The following LRRC4C variants were observed in gnomAD, a reference collection of about 807,000 sequenced individuals.
The protein encoded by LRRC4C is leucine-rich repeat-containing protein 4C.
LRRC4C carries 5 observed loss-of-function variants against 33.6 expected under a neutral mutation model. The ratio of observed to expected loss-of-function variants is 0.15; its 90% confidence interval spans 0.08 to 0.31. The LOEUF (loss-of-function observed/expected upper bound fraction) is 0.31. Among genes scored for constraint, LRRC4C ranks in the 10% least tolerant of loss-of-function variants. The probability of loss-of-function intolerance (pLI) is 1.00; values close to 1 mark genes in which losing one functional copy is unlikely to be tolerated. For synonymous variants in LRRC4C, 329 were observed against 302.0 expected, an observed-to-expected ratio of 1.09 and a Z score of -0.93; for missense variants, 560 against 796.7, an observed-to-expected ratio of 0.70 and a Z score of 3.58.
At chr11:40,621,708 G>T (rs2135955247) in intron 3 of LRRC4C, among the ~76,000 whole-genome samples, 1 of 151,880 alleles carries the variant, frequency 6.6e-6, no homozygotes, top group African/African-American at 2.4e-5. Flanking sequence ...CCTTTGCTCA[G>T]TGTCTAGTAC....
chr11:40,439,536 C>A (rs756387147), intron 3 of LRRC4C, among the ~76,000 whole-genome samples: 2 of 151,598 alleles, frequency 1.3e-5, no homozygotes, highest in African/African-American at 2.4e-5. Context: ...TCACTGAAAC[C>A]CCCACCTCCC....
chr11:41,180,804 T>G (rs1945412927), intron 1 of LRRC4C, among the ~76,000 whole-genome samples: 1 of 151,930 alleles, frequency 6.6e-6, no homozygotes, highest in Non-Finnish European at 1.5e-5. Context: ...GGTATCATTA[T>G]CCTAAGATAT....
intron 1 of LRRC4C, among the ~76,000 whole-genome samples, chr11:41,274,622 T>G (rs1949422582): frequency 6.6e-6 from 1 of 152,022 alleles, no homozygotes; most frequent in African/African-American, 2.4e-5. Flanking sequence ...AATGGACCAA[T>G]CAGCAGGACA....
intron 5 of LRRC4C, among the ~76,000 whole-genome samples, chr11:40,147,537 C>T (rs1297275742): frequency 6.6e-6 from 1 of 151,902 alleles, no homozygotes; most frequent in African/African-American, 2.4e-5. Flanking sequence ...TAATTAATAT[C>T]TTAAGAGCAG....
chr11:40,323,955 A>G (rs1229088006), intron 3 of LRRC4C, among the ~76,000 whole-genome samples: 4 of 152,258 alleles, frequency 2.6e-5, no homozygotes. Context: ...TAATTAAGCA[A>G]ATATAGAAGA....
intron 1 of LRRC4C, among the ~76,000 whole-genome samples, chr11:41,320,881 T>G (rs1443805126): frequency 6.6e-6 from 1 of 152,222 alleles, no homozygotes; most frequent in Non-Finnish European, 1.5e-5. Flanking sequence ...AATTCAGTTC[T>G]CTGTGATTGC....
intron 3 of LRRC4C, among the ~76,000 whole-genome samples, chr11:40,539,431 TTC>T (rs1286950649): frequency 6.6e-6 from 1 of 152,168 alleles, no homozygotes; most frequent in Non-Finnish European, 1.5e-5. Context: ...TCTGTATATC[TTC>T]AGAGTCAAGC....
rs150320004 is a variant in LRRC4C, at chr11:40,330,212, A to G, written c.-269-10491T>C. ...GATGCTCATTTTATCTGTCAACTTG[A>G]CTGGGTTAAATGATACCCAGATAGC... is the stretch of plus-strand genomic sequence containing the variant. On this transcript the variant is annotated intron_variant, in intron 3 of 6. Coordinates refer to ENST00000528697, the MANE Select transcript of LRRC4C (RefSeq NM_001258419.2). Among the ~76,000 whole-genome samples, 45 of 152,236 alleles carry G rather than the reference A, an allele frequency of 3.0e-4. No homozygotes were observed. In the East Asian group the frequency reaches 7.9e-3, roughly 27 times the overall value.
At chr11:41,350,329 T>TG (rs1483658742) in intron 1 of LRRC4C, among the ~76,000 whole-genome samples, 1 of 151,786 alleles carries the variant, frequency 6.6e-6, no homozygotes, top group African/African-American at 2.4e-5. Context: ...GCCAACTGGG[T>TG]GAAACCCTGT....
At chr11:41,102,988 C>A (rs1941284489) in intron 1 of LRRC4C, among the ~76,000 whole-genome samples, 1 of 151,714 alleles carries the variant, frequency 6.6e-6, no homozygotes, top group Admixed American at 6.6e-5. Flanking sequence ...CAAAAGGAAA[C>A]CATCTCTATC....
intron 2 of LRRC4C, among the ~76,000 whole-genome samples, chr11:40,824,741 A>G (rs1952085452): frequency 6.6e-6 from 1 of 152,014 alleles, no homozygotes. Flanking sequence ...GGTGAGACCC[A>G]GAGTAAAATT....
rs113735931 is a variant in LRRC4C at position 40,316,926 on chromosome 11, G to A, written c.-176+2702C>T. On this transcript the variant is annotated intron_variant, in intron 4 of 6. Transcript: ENST00000528697. ...TTACCAGGTTTTTTAAAAAAATTTA[G>A]TTCCCTAATATGCTAAAAAAGATGT... Among the ~76,000 whole-genome samples the A allele has an allele frequency of 1.5e-3, 88 of 60,608 alleles. 1 individual carries two copies. The highest frequency in any genetic ancestry group is 4.9e-3 in the African/African-American group (87 of 17,794). The allele number at this position is 60,608 out of a possible 152,430, so 39.8% of individuals were successfully genotyped here. A position where few individuals can be genotyped will look rare whatever the true frequency, so the allele number is the denominator to read the frequency against.
At position 41,281,104 on chromosome 11, in the gene LRRC4C, T is replaced by TCACA. The variant is rs1188271498; in HGVS notation, c.-496+178323_-496+178326dup. ...CTCTCTCTCTCTCTCTCTCTCTCTC[T>TCACA]CACACACACACACACACACACACAC... On this transcript the variant is annotated intron_variant, in intron 1 of 6. Coordinates refer to ENST00000528697, the MANE Select transcript of LRRC4C (RefSeq NM_001258419.2). 8.1e-3 allele frequency among the ~76,000 whole-genome samples: 834 copies of TCACA among 102,472 alleles called. 6 individuals are homozygous for TCACA. The highest frequency in any genetic ancestry group is 0.011 in the Non-Finnish European group (557 of 52,170). 67.2% of individuals were successfully genotyped at this position (102,472 alleles called of 152,430 possible). A position where few individuals can be genotyped will look rare whatever the true frequency, so the allele number is the denominator to read the frequency against.
chr11:40,115,621 C>T lies in LRRC4C; in HGVS notation c.672G>A (p.Leu224=), dbSNP rs1855371185. 1.2e-6 allele frequency: 2 copies of T among 1,614,062 alleles called. No individual in the cohort carries two copies. Among genetic ancestry groups the T allele is most frequent in the African/African-American group, 2.7e-5 (2 of 74,922 alleles). ...NLTPLIKLDE[L]DLSGNHLSAI... is the part of the protein sequence containing the mutation. ...CAGATAAATGATTCCCAGAAAGATCCAGCTCATCTAGTTTTATGAGCGGTG... is the reference window on the plus strand; with the variant it reads ...CAGATAAATGATTCCCAGAAAGATCTAGCTCATCTAGTTTTATGAGCGGTG... The change falls in exon 7 of 7, where the codon CTG becomes CTA. Residue 224 remains leucine (L), a synonymous_variant. Coordinates refer to ENST00000528697, the MANE Select transcript of LRRC4C (RefSeq NM_001258419.2). This position sits in a 1 kb window ranked among gnomAD's most constrained non-coding sequence, Gnocchi z 6.7.
intron 1 of LRRC4C, among the ~76,000 whole-genome samples, chr11:41,021,661 G>A (rs1055957624): frequency 5.3e-5 from 8 of 152,036 alleles, no homozygotes; most frequent in Non-Finnish European, 1.2e-4. Context: ...CTATGGTTCA[G>A]ATAACGAAAG....
At chr11:40,508,492 G>GA (rs201519640) in intron 3 of LRRC4C, among the ~76,000 whole-genome samples, 39 of 150,780 alleles carry the variant, frequency 2.6e-4, no homozygotes, top group African/African-American at 6.6e-4. Context: ...AGCCTAAGAT[G>GA]AAAAAAAAAC....
intron 1 of LRRC4C, among the ~76,000 whole-genome samples, chr11:41,351,034 A>G (rs1192942130): frequency 6.6e-6 from 1 of 152,184 alleles, no homozygotes; most frequent in African/African-American, 2.4e-5. Context: ...GTTTGAGATC[A>G]GCCTGGGCAA....
At chr11:41,318,142 C>T (rs950822049) in intron 1 of LRRC4C, among the ~76,000 whole-genome samples, 1 of 151,996 alleles carries the variant, frequency 6.6e-6, no homozygotes, top group African/African-American at 2.4e-5. Flanking sequence ...ACAGCATAAT[C>T]CCATTTTGAA....
intron 2 of LRRC4C, among the ~76,000 whole-genome samples, chr11:40,832,045 T>G (rs2135552423): frequency 6.6e-6 from 1 of 152,290 alleles, no homozygotes; most frequent in East Asian, 1.9e-4. Flanking sequence ...ATTATATCAC[T>G]GTGTGATTGT....
Sources: allele counts gnomAD v4.1 joint callset (sites outside exome capture counted in the v4.1 genomes callset), GRCh38; gene constraint gnomAD v4.1.1; non-coding constraint Gnocchi (gnomAD v3.1); transcripts MANE v1.5; gene names NCBI Gene and HGNC (gene_info 2026-07-23, HGNC 2026-07-21).